RPS6KA2: variants seen among roughly 807,000 people sequenced by gnomAD.
The protein encoded by RPS6KA2 is ribosomal protein S6 kinase A2, also known as ribosomal protein S6 kinase alpha-2.
A neutral mutation model predicts 91.8 loss-of-function variants in RPS6KA2; 42 were observed. The ratio of observed to expected loss-of-function variants is 0.46; its 90% CI spans 0.36 to 0.59. RPS6KA2 has a LOEUF of 0.59. Among genes scored for constraint, RPS6KA2 ranks in the 20% least tolerant of loss-of-function variants. RPS6KA2 has a pLI of 0.00. For missense variants in RPS6KA2, 798 were observed against 978.5 expected (o/e 0.82, Z 2.46); for synonymous variants, 414 against 393.6 (o/e 1.05, Z -0.61).
intron 1 of RPS6KA2, among the ~76,000 whole-genome samples, chr6:166,588,361 T>A (rs1414590699): frequency 7.5e-6 from 1 of 133,392 alleles, no homozygotes; most frequent in African/African-American, 3.1e-5. Flanking sequence ...GCTGCAGGGG[T>A]GGCTTTCTGC....
At chr6:166,696,897 C>A (rs1347238824) in intron 2 of RPS6KA2, among the ~76,000 whole-genome samples, 1 of 152,194 alleles carries the variant, frequency 6.6e-6, no homozygotes, top group Non-Finnish European at 1.5e-5. Context: ...CAAACTATAC[C>A]ATTGGCTCTC....
At position 166,550,869 on chromosome 6, in the gene RPS6KA2, C is replaced by A. The variant is rs541075226; in HGVS notation, c.100-12085G>T. The stretch of plus-strand genomic sequence containing the variant: ...ACAAAAAATTAGCCAGGCGTGGTGG[C>A]GGGCGCCTGTAGTCCCAGCTACTCG... On this transcript the variant is annotated intron_variant, in intron 1 of 20. Coordinates refer to ENST00000265678, the MANE Select transcript of RPS6KA2 (RefSeq NM_021135.6). Among the ~76,000 whole-genome samples, 8 of 151,714 alleles carry A rather than the reference C, an allele frequency of 5.3e-5. No individual in the cohort carries two copies. The South Asian group carries it at 1.5e-3, about 28-fold the overall frequency.
At position 166,448,867 on chromosome 6, in the gene RPS6KA2, GAAGAA is replaced by G; in HGVS notation, c.1207-23_1207-19del. Reference sequence around the variant, plus strand: ...TGTAACTGCTGCAGAGGGACCAAGAGAAGAAGAGTTGTCGGAACCCTCACACGAGG... The same window carrying G: ...TGTAACTGCTGCAGAGGGACCAAGAGGAGTTGTCGGAACCCTCACACGAGG... On this transcript the variant is annotated intron_variant, in intron 13 of 20. Coordinates refer to ENST00000265678, the MANE Select transcript of RPS6KA2 (RefSeq NM_021135.6). The surrounding 1 kb of genome is among the most constrained non-coding windows in gnomAD (Gnocchi z 4.7). 1.2e-6 allele frequency: 2 copies of G among 1,613,260 alleles called. No homozygotes were observed. Among genetic ancestry groups the G allele is most frequent in the Non-Finnish European group, 1.7e-6 (2 of 1,179,438 alleles).
At chr6:166,455,290 T>G (rs1440017668) in intron 12 of RPS6KA2, among the ~76,000 whole-genome samples, 1 of 152,030 alleles carries the variant, frequency 6.6e-6, no homozygotes, top group Non-Finnish European at 1.5e-5. Flanking sequence ...GGGCAGCCGC[T>G]CCGAAGCCCA....
At chr6:166,446,874 G>T (rs1779696576) in intron 14 of RPS6KA2, among the ~76,000 whole-genome samples, 1 of 152,168 alleles carries the variant, frequency 6.6e-6, no homozygotes, top group Non-Finnish European at 1.5e-5. Context: ...AATCCTGTGA[G>T]CAATGACTCA....
chr6:166,702,924 T>C, intron 2 of RPS6KA2: 1 of 652,970 alleles, frequency 1.5e-6, no homozygotes, highest in Non-Finnish European at 2.7e-6. Flanking sequence ...CAGCTGGTTT[T>C]GTTCCCCTCG....
rs548617492 is a variant in RPS6KA2 at position 166,498,377 on chromosome 6, C to T, written c.747+131G>A. ...GCTGCCAGGAAATGCTTGGCCTGGA[C>T]ACTTGCCCAGTGTCCCAAGCCCTCA... On this transcript the variant is annotated intron_variant, in intron 8 of 20. Coordinates refer to ENST00000265678, the MANE Select transcript of RPS6KA2 (RefSeq NM_021135.6). 7 of 1,049,134 alleles carry T rather than the reference C, an allele frequency of 6.7e-6. 1 individual carries two copies. In the South Asian group the frequency reaches 1.1e-4, roughly 17 times the overall value. 65.0% of individuals were successfully genotyped at this position (1,049,134 alleles called of 1,614,324 possible).
chr6:166,415,709 A>G (rs1028963128), intron 19 of RPS6KA2, among the ~76,000 whole-genome samples: 1 of 151,440 alleles, frequency 6.6e-6, no homozygotes, highest in African/African-American at 2.4e-5. Context: ...TTTGGGAACC[A>G]GAACTAAGAC....
At chr6:166,858,997 G>A (rs941590577) in intron 1 of RPS6KA2, among the ~76,000 whole-genome samples, 1 of 144,550 alleles carries the variant, frequency 6.9e-6, no homozygotes. Flanking sequence ...CATCAGCACC[G>A]GCTGCCATGC....
rs188286536 is a variant in RPS6KA2 at position 166,789,253 on chromosome 6, G to A, written c.123+68947C>T. On this transcript the variant is annotated intron_variant, in intron 2 of 21. Coordinates refer to the RPS6KA2 transcript ENST00000503859. ...GAGGGTCCTACGCCCACGGAGTCTC[G>A]CTGATTGCTAGCACAGCAGTCTAAG... Among the ~76,000 whole-genome samples, 1,304 of 152,300 alleles carry A rather than the reference G, an allele frequency of 8.6e-3. 14 individuals are homozygous for A. Among genetic ancestry groups the A allele is most frequent in the Middle Eastern group, 0.044 (13 of 294 alleles).
At chr6:166,697,502 C>T (rs1789391609) in intron 2 of RPS6KA2, among the ~76,000 whole-genome samples, 1 of 152,230 alleles carries the variant, frequency 6.6e-6, no homozygotes, top group Admixed American at 6.5e-5. Flanking sequence ...CTGTCGTAGA[C>T]TTCTTCCTTT....
chr6:166,759,968 T>C (rs1311051513), intron 2 of RPS6KA2, among the ~76,000 whole-genome samples: 1 of 152,260 alleles, frequency 6.6e-6, no homozygotes, highest in Non-Finnish European at 1.5e-5. Flanking sequence ...AACTCTGTGG[T>C]CCTTCACAAA....
chr6:166,858,885 T>C (rs989332844), intron 1 of RPS6KA2, among the ~76,000 whole-genome samples: 14 of 152,124 alleles, frequency 9.2e-5, no homozygotes, highest in Non-Finnish European at 2.1e-4. Flanking sequence ...TGCTTCTGCC[T>C]AGAGATGTGG....
At chr6:166,730,151 T>C (rs1583056779) in intron 2 of RPS6KA2, among the ~76,000 whole-genome samples, 1 of 152,254 alleles carries the variant, frequency 6.6e-6, no homozygotes, top group South Asian at 2.1e-4. Context: ...TCTGGTTAAC[T>C]GAATAACTGT....
In RPS6KA2 at chr6:166,660,397, CGT is replaced by C. The variant is rs1241926275; in HGVS notation, c.124-121615_124-121614del. On this transcript the variant is annotated intron_variant, in intron 2 of 21. Transcript: ENST00000503859. ...GTGTGCATGTGTATGGGCATGCGTG[CGT>C]GTGTGTGTGTGTGTGTGTGTGTGAG... 8.0e-3 allele frequency among the ~76,000 whole-genome samples: 864 copies of C among 107,824 alleles called. 4 individuals are homozygous for C. The highest frequency in any genetic ancestry group is 0.017 in the South Asian group (51 of 2,994). The allele number at this position is 107,824 out of a possible 152,430, so 70.7% of individuals were successfully genotyped here.
chr6:166,646,803 T>C (rs570780342), intron 2 of RPS6KA2, among the ~76,000 whole-genome samples: 1 of 152,304 alleles, frequency 6.6e-6, no homozygotes, highest in Admixed American at 6.5e-5. Flanking sequence ...ATCTCAGAGG[T>C]AGGCATCTCC....
chr6:166,569,801 C>T (rs778891093), intron 1 of RPS6KA2, among the ~76,000 whole-genome samples: 14 of 152,202 alleles, frequency 9.2e-5, no homozygotes, highest in Non-Finnish European at 2.1e-4. Context: ...GGGAATAGGA[C>T]ATCTCCCTGT....
At chr6:166,548,445 G>T (rs1327597442) in intron 1 of RPS6KA2, among the ~76,000 whole-genome samples, 2 of 152,180 alleles carry the variant, frequency 1.3e-5, no homozygotes, top group East Asian at 3.9e-4. Context: ...GGTAAGGTTT[G>T]CTACATAGCT....
At chr6:166,857,073 G>T (rs914096725) in intron 2 of RPS6KA2, among the ~76,000 whole-genome samples, 4 of 152,330 alleles carry the variant, frequency 2.6e-5, no homozygotes, top group South Asian at 4.1e-4. Flanking sequence ...TATTTAACCA[G>T]TGGGCTATGT....
Sources: gnomAD v4.1 joint callset for allele counts (sites outside exome capture counted in the v4.1 genomes callset) on GRCh38, gnomAD v4.1.1 for gene constraint, Gnocchi (gnomAD v3.1) non-coding constraint, MANE v1.5 for transcripts, NCBI Gene and HGNC (gene_info 2026-07-23, HGNC 2026-07-21) for gene names.